Variants in ANXA13 observed in about 807,000 individuals in gnomAD.
ANXA13 encodes the protein annexin XIII.
Under a neutral mutation model 46.6 loss-of-function variants are expected in ANXA13, and 36 were observed. The observed-to-expected ratio is 0.77, with a 90% confidence interval of 0.59 to 1.02. The LOEUF is 1.02. Among genes scored for constraint, ANXA13 ranks in the 50% least tolerant of loss-of-function variants. The pLI, the probability that ANXA13 is intolerant of heterozygous loss-of-function variation, is 0.00. For synonymous variants in ANXA13, 163 were observed against 152.9 expected (o/e 1.07, Z -0.49); for missense variants, 417 against 396.5 (o/e 1.05, Z -0.44).
At chr8:123,729,397 A>G (rs568596327) in intron 1 of ANXA13, 146 of 152,358 alleles carry the variant, frequency 9.6e-4, no homozygotes, top group African/African-American at 3.3e-3. Context: ...GGGATGAATT[A>G]TGATTCAAGG....
At chr8:123,733,379 AC>A (rs1277098380) in intron 1 of ANXA13, among the ~76,000 whole-genome samples, 13 of 152,040 alleles carry the variant, frequency 8.6e-5, no homozygotes, top group Non-Finnish European at 1.5e-4. Context: ...GCCATATTTC[AC>A]CTGCCTCCAG....
chr8:123,722,462 C>G (rs918404389), intron 1 of ANXA13, among the ~76,000 whole-genome samples: 1 of 152,056 alleles, frequency 6.6e-6, no homozygotes, highest in Non-Finnish European at 1.5e-5. Context: ...TGAGACTTGT[C>G]CGGTGACCAG....
chr8:123,681,058 C>G lies in ANXA13; in HGVS notation c.*182G>C. 1 of 695,312 alleles carries G rather than the reference C, an allele frequency of 1.4e-6. No homozygotes were observed. Among genetic ancestry groups the G allele is most frequent in the Non-Finnish European group, 2.2e-6 (1 of 448,680 alleles). 43.1% of individuals were successfully genotyped at this position (695,312 alleles called of 1,614,324 possible). On this transcript the variant is annotated 3_prime_UTR_variant, in exon 11 of 11. Transcript: ENST00000419625. ...GCCAGAGTTCAAGGTGCCCTGCCCA[C>G]GCATCTTAACGTTACTGCCCTTAAC...
rs148382346 is a variant in ANXA13 at position 123,722,342 on chromosome 8, A to AAAAGAAAGAAAGAAAGAAAG, written c.16-9609_16-9590dup. 1.8e-3 allele frequency among the ~76,000 whole-genome samples: 250 copies of AAAAGAAAGAAAGAAAGAAAG among 136,968 alleles called. 2 individuals are homozygous for AAAAGAAAGAAAGAAAGAAAG. The highest frequency in any genetic ancestry group is 5.6e-3 in the South Asian group (22 of 3,948). 89.9% of individuals were successfully genotyped at this position (136,968 alleles called of 152,430 possible). ...AGAAAGAAAGAAAAAGAAAGAAAAG[A>AAAAGAAAGAAAGAAAGAAAG]AAAGAAAGAAAGAAAGAAAGAAAGA... On this transcript the variant is annotated intron_variant, in intron 1 of 10. Transcript: ENST00000419625.
At chr8:123,711,391 C>T (rs10089910) in intron 2 of ANXA13, among the ~76,000 whole-genome samples, 11,337 of 152,202 alleles carry the variant, frequency 0.074, 446 homozygotes, top group Non-Finnish European at 0.082. Flanking sequence ...GGGACTAGAC[C>T]TTGTGTCATG....
intron 1 of ANXA13, among the ~76,000 whole-genome samples, chr8:123,730,725 G>C (rs1814101358): frequency 6.6e-6 from 1 of 152,122 alleles, no homozygotes; most frequent in Non-Finnish European, 1.5e-5. Context: ...CCCCAGACTG[G>C]GTAATTTATA....
intron 10 of ANXA13, 49 bp from the exon 11 acceptor site, chr8:123,681,408 CACAA>C (rs1490719691): frequency 3.8e-6 from 6 of 1,579,336 alleles, no homozygotes; most frequent in South Asian, 1.2e-5. Flanking sequence ...ATGGTGTGTT[CACAA>C]ACAGTGGGCA....
rs751588826 is a variant in ANXA13, at chr8:123,688,871, C to A, written c.718G>T (p.Val240Leu). The change falls in exon 9 of 11, where the codon GTG (valine) becomes TTG (leucine). Residue 240 changes from valine (V) to leucine (L), a missense_variant and splice_region_variant. Val to Leu is a conservative substitution (Grantham distance 32, BLOSUM62 1). Transcript: ENST00000419625. ...AGGAGCTCTCCTAACTTTACTTTAC[C>A]GAGAGTTAAATAGGCCTTCTGCAAG... is the stretch of plus-strand genomic sequence containing the variant. ...GDLQKAYLTL[V>L]RCAQDCEDYF... is the part of the protein sequence containing the mutation. 2 of 1,613,486 alleles carry A rather than the reference C, an allele frequency of 1.2e-6. No individual in the cohort carries two copies. The highest frequency in any genetic ancestry group is 4.5e-5 in the East Asian group (2 of 44,860).
At chr8:123,725,271 A>G (rs558294480) in intron 1 of ANXA13, among the ~76,000 whole-genome samples, 3 of 152,346 alleles carry the variant, frequency 2.0e-5, no homozygotes, top group Non-Finnish European at 4.4e-5. Context: ...TTTGGCAACA[A>G]TCATGAAGGT....
At chr8:123,718,068 C>G (rs570445744) in intron 1 of ANXA13, among the ~76,000 whole-genome samples, 53 of 152,320 alleles carry the variant, frequency 3.5e-4, no homozygotes, top group Non-Finnish European at 6.5e-4. Flanking sequence ...GCCACCCCAC[C>G]GACTTTTTTC....
chr8:123,686,659 A>G (rs957482744), intron 9 of ANXA13, among the ~76,000 whole-genome samples: 57 of 152,060 alleles, frequency 3.7e-4, no homozygotes, highest in African/African-American at 1.2e-3. Flanking sequence ...GAGGTTCTCA[A>G]TGGGAACCTG....
At chr8:123,697,003 G>A (rs1298955954) in intron 4 of ANXA13, among the ~76,000 whole-genome samples, 3 of 152,168 alleles carry the variant, frequency 2.0e-5, no homozygotes, top group Non-Finnish European at 2.9e-5. Context: ...TCCGCCTCCC[G>A]GGTTCAAGCG....
At chr8:123,725,611 A>G (rs530688055) in intron 1 of ANXA13, among the ~76,000 whole-genome samples, 2 of 152,372 alleles carry the variant, frequency 1.3e-5, no homozygotes, top group South Asian at 2.1e-4. Flanking sequence ...CATCTGAAGC[A>G]TGAATCTTGG....
chr8:123,735,681 A>G (rs968825220), intron 1 of ANXA13: 3 of 1,461,106 alleles, frequency 2.1e-6, no homozygotes, highest in Middle Eastern at 2.5e-4. Flanking sequence ...ATGACAGATC[A>G]CTGGGGGCTC....
rs189915547 is a variant in ANXA13 at position 123,735,636 on chromosome 8, C to T, written c.15+1684G>A. ...AAGATTTCCCTGCTTGGAAGTCACA[C>T]CTGATGATGGCTGGTGGCTGGTGGA... On this transcript the variant is annotated intron_variant, in intron 1 of 10. Transcript: ENST00000419625. 1,125 of 1,251,292 alleles carry T rather than the reference C, an allele frequency of 9.0e-4. 2 individuals are homozygous for T. The highest frequency in any genetic ancestry group is 1.1e-3 in the Non-Finnish European group (1,056 of 945,862). The allele number at this position is 1,251,292 out of a possible 1,614,324, so 77.5% of individuals were successfully genotyped here.
At chr8:123,712,612 A>T in intron 2 of ANXA13, 66 bp downstream of exon 2, 1 of 1,335,328 alleles carries the variant, frequency 7.5e-7, no homozygotes. Flanking sequence ...CATCATGGGG[A>T]AGTTGGACAT....
chr8:123,715,135 G>C (rs934770794), intron 1 of ANXA13, among the ~76,000 whole-genome samples: 13 of 152,222 alleles, frequency 8.5e-5, no homozygotes, highest in African/African-American at 3.1e-4. Flanking sequence ...CTTGTTGGCA[G>C]GACCAGCTAC....
At chr8:123,712,357 G>T in intron 2 of ANXA13, 1 of 322,912 alleles carries the variant, frequency 3.1e-6, no homozygotes, top group Non-Finnish European at 5.8e-6. Flanking sequence ...CCTCGGGTAT[G>T]TCTTTATTAG....
intron 1 of ANXA13, among the ~76,000 whole-genome samples, chr8:123,729,961 C>T (rs1485399730): frequency 2.0e-5 from 3 of 152,170 alleles, no homozygotes; most frequent in Non-Finnish European, 4.4e-5. Flanking sequence ...GTGCCACCAT[C>T]CACCTGTGCA....
Sources: gnomAD v4.1 joint callset for allele counts (sites outside exome capture counted in the v4.1 genomes callset) on GRCh38, gnomAD v4.1.1 for gene constraint, MANE v1.5 for transcripts, NCBI Gene and HGNC (gene_info 2026-07-23, HGNC 2026-07-21) for gene names.